STON1: variants seen among roughly 807,000 people sequenced by gnomAD.
STON1 encodes stonin-1.
STON1 carries 79 observed loss-of-function variants against 60.9 expected under a neutral mutation model. The ratio of observed to expected loss-of-function variants is 1.30; its 90% CI spans 1.08 to 1.56. The LOEUF is 1.56. STON1 is among the 40% of genes most tolerant of loss of function. The probability of loss-of-function intolerance (pLI) is 0.00; values close to 1 mark genes in which losing one functional copy is unlikely to be tolerated. For missense variants in STON1, 1,166 were observed against 858.9 expected (o/e 1.36, Z -4.47); for synonymous variants, 363 against 306.9 (o/e 1.18, Z -1.91).
chr2:48,554,590 C>G (rs1462863836), intron 1 of STON1, among the ~76,000 whole-genome samples: 1 of 152,042 alleles, frequency 6.6e-6, no homozygotes, highest in Non-Finnish European at 1.5e-5. Flanking sequence ...CTCAAGCACC[C>G]AAGGTTGAGA....
intron 1 of STON1, among the ~76,000 whole-genome samples, chr2:48,558,246 A>G (rs1435217292): frequency 1.3e-5 from 2 of 152,230 alleles, no homozygotes; most frequent in Non-Finnish European, 2.9e-5. Flanking sequence ...AAAGAAAAAA[A>G]TCTTTCTCTA....
At chr2:48,587,527 G>C (rs1558646119) in intron 2 of STON1, among the ~76,000 whole-genome samples, 1 of 152,036 alleles carries the variant, frequency 6.6e-6, no homozygotes, top group Non-Finnish European at 1.5e-5. Flanking sequence ...TCCTGACCTC[G>C]TGACCTGCCC....
At chr2:48,563,107 C>T (rs1278318736) in intron 1 of STON1, among the ~76,000 whole-genome samples, 1 of 152,176 alleles carries the variant, frequency 6.6e-6, no homozygotes, top group Admixed American at 6.5e-5. Context: ...CAGACTGTGG[C>T]CCCATGGCCC....
At chr2:48,552,138 G>T (rs939170978) in intron 1 of STON1, among the ~76,000 whole-genome samples, 1 of 152,250 alleles carries the variant, frequency 6.6e-6, no homozygotes, top group Admixed American at 6.5e-5. Flanking sequence ...AATGGGGCAT[G>T]TCCATGCAAT....
chr2:48,572,718 A>C (rs906910921), intron 1 of STON1, among the ~76,000 whole-genome samples: 1 of 152,176 alleles, frequency 6.6e-6, no homozygotes, highest in Non-Finnish European at 1.5e-5. Context: ...CTTTTTAATA[A>C]ACCCAACTAA....
intron 1 of STON1, among the ~76,000 whole-genome samples, chr2:48,561,251 G>A (rs925272543): frequency 6.6e-6 from 1 of 152,164 alleles, no homozygotes; most frequent in Non-Finnish European, 1.5e-5. Context: ...TCTCTCCTGT[G>A]GCTCCACTAG....
intron 1 of STON1, among the ~76,000 whole-genome samples, chr2:48,564,461 CT>C (rs1672766020): frequency 1.8e-5 from 1 of 54,514 alleles, no homozygotes. Context: ...TCTTCTTCTT[CT>C]TCTTCTTCTT....
Position 48,581,070 on chromosome 2 carries a change from C to T in STON1, c.437C>T (p.Thr146Ile), listed in dbSNP as rs1385112824. The T allele has an allele frequency of 2.5e-6, 4 of 1,597,718 alleles. No individual in the cohort carries two copies. The East Asian group carries it at 6.7e-5, about 27-fold the overall frequency. Residue 146 changes from threonine (T) to isoleucine (I), a missense_variant, in exon 2 of 4, where the codon ACT (threonine) becomes ATT (isoleucine). By Grantham distance (89) the Thr-to-Ile change is moderately conservative (BLOSUM62 -1). Transcript: ENST00000404752. ...LPSDHSCTHP[T>I]PKVGLPDEVN... Reference sequence around the variant, plus strand: ...AGTGACCACTCATGTACACATCCAACTCCCAAAGTAGGTCTTCCAGATGAA... The same window carrying T: ...AGTGACCACTCATGTACACATCCAATTCCCAAAGTAGGTCTTCCAGATGAA...
chr2:48,530,241 G>T (rs758076970), intron 1 of STON1, 25 bp downstream of exon 1: 3 of 367,300 alleles, frequency 8.2e-6, no homozygotes, highest in Non-Finnish European at 1.6e-5. Context: ...CCAGGGGACA[G>T]AGACGGGAGG....
At position 48,559,111 on chromosome 2, in the gene STON1, C is replaced by T. The variant is rs144037907; in HGVS notation, c.-47-21476C>T. 6.1e-3 allele frequency among the ~76,000 whole-genome samples: 926 copies of T among 152,242 alleles called. 7 individuals carry two copies. The highest frequency in any genetic ancestry group is 0.02 in the African/African-American group (845 of 41,534). On this transcript the variant is annotated intron_variant, in intron 1 of 3. Coordinates refer to ENST00000404752, the MANE Select transcript of STON1 (RefSeq NM_006873.4). The stretch of plus-strand genomic sequence containing the variant: ...AATCTGAAACACTTCTGGTCCCAAG[C>T]GTTTTAGATAAGGGATATTCAACCT...
At chr2:48,587,322 T>C (rs1674267993) in intron 2 of STON1, among the ~76,000 whole-genome samples, 1 of 152,158 alleles carries the variant, frequency 6.6e-6, no homozygotes, top group Admixed American at 6.5e-5. Flanking sequence ...AGACGGAGTC[T>C]CGCTCTGCCA....
intron 2 of STON1, among the ~76,000 whole-genome samples, chr2:48,585,495 C>T (rs548302789): frequency 4.6e-5 from 7 of 152,192 alleles, no homozygotes; most frequent in African/African-American, 1.2e-4. Context: ...GTGATCCACC[C>T]GCCTCGGCCT....
chr2:48,576,442 G>A (rs1325075237), intron 1 of STON1, among the ~76,000 whole-genome samples: 1 of 150,684 alleles, frequency 6.6e-6, no homozygotes, highest in Non-Finnish European at 1.5e-5. Context: ...CTCCCGCCTC[G>A]GCTTTCCAAA....
At chr2:48,546,482 T>C (rs1399844850) in intron 1 of STON1, among the ~76,000 whole-genome samples, 1 of 152,232 alleles carries the variant, frequency 6.6e-6, no homozygotes, top group Non-Finnish European at 1.5e-5. Context: ...AGGACCTGCA[T>C]CTTTGTCCCC....
At chr2:48,568,312 A>G (rs533524176) in intron 1 of STON1, among the ~76,000 whole-genome samples, 1 of 152,290 alleles carries the variant, frequency 6.6e-6, no homozygotes, top group African/African-American at 2.4e-5. Context: ...AGTGGGGACA[A>G]AGTCTTCAGC....
intron 1 of STON1, among the ~76,000 whole-genome samples, chr2:48,574,211 A>C (rs1673356128): frequency 6.6e-6 from 1 of 152,072 alleles, no homozygotes; most frequent in Admixed American, 6.6e-5. Flanking sequence ...CCCTGTTTCT[A>C]CTAAAAGTAC....
chr2:48,564,414 T>C (rs13034063), intron 1 of STON1, among the ~76,000 whole-genome samples: 21,058 of 68,850 alleles, frequency 0.31, 3,008 homozygotes, highest in South Asian at 0.38. Context: ...TGTCTTCTTC[T>C]TCTTCTTCTT....
Position 48,581,015 on chromosome 2 carries a change from C to G in STON1, c.382C>G (p.Pro128Ala). The change falls in exon 2 of 4, where the codon CCA (proline) becomes GCA (alanine). Residue 128 changes from proline to alanine, a missense_variant. Transcript: ENST00000404752. ...GGESSLLPTR[P>A]TCLSHALLPS... ...AGAATCTTCCTTACTGCCTACCAGA[C>G]CAACATGTTTATCCCATGCCTTGTT... is the stretch of plus-strand genomic sequence containing the variant. The G allele has an allele frequency of 6.4e-7, 1 of 1,569,672 alleles. No homozygotes were observed. Among genetic ancestry groups the G allele is most frequent in the Non-Finnish European group, 8.6e-7 (1 of 1,161,894 alleles).
chr2:48,546,516 C>T (rs899594430), intron 1 of STON1, among the ~76,000 whole-genome samples: 1 of 152,224 alleles, frequency 6.6e-6, no homozygotes, highest in South Asian at 2.1e-4. Context: ...GGACACTTGC[C>T]ACCATCATTC....
Sources: gnomAD v4.1 joint callset for allele counts (sites outside exome capture counted in the v4.1 genomes callset) on GRCh38, gnomAD v4.1.1 for gene constraint, MANE v1.5 for transcripts, NCBI Gene and HGNC (gene_info 2026-07-23, HGNC 2026-07-21) for gene names.